NDUFAF2: variants seen among roughly 807,000 people sequenced by gnomAD.
NDUFAF2 encodes NADH dehydrogenase [ubiquinone] 1 alpha subcomplex assembly factor 2.
In NDUFAF2, 13 loss-of-function variants were observed where a neutral mutation model predicts 22.8. The observed-to-expected ratio is 0.57, with a 90% CI of 0.37 to 0.91. The LOEUF is 0.91. Ranked by LOEUF, NDUFAF2 falls within the 40% of genes least tolerant of loss-of-function variation. The probability of loss-of-function intolerance (pLI) is 0.01; values close to 1 mark genes in which losing one functional copy is unlikely to be tolerated. For missense variants in NDUFAF2, 162 were observed against 195.2 expected, an observed-to-expected ratio of 0.83 and a Z score of 1.01; for synonymous variants, 53 against 64.2, an observed-to-expected ratio of 0.83 and a Z score of 0.84.
At chr5:61,031,119 G>A (rs1331150133) in intron 1 of NDUFAF2, among the ~76,000 whole-genome samples, 5 of 151,880 alleles carry the variant, frequency 3.3e-5, no homozygotes, top group African/African-American at 7.3e-5. Flanking sequence ...TGATATGGGC[G>A]GTAGGCTCTT....
intron 1 of NDUFAF2, among the ~76,000 whole-genome samples, chr5:61,017,529 G>C (rs1580096658): frequency 1.8e-5 from 1 of 54,780 alleles, no homozygotes; most frequent in Admixed American, 2.7e-4. Context: ...TCAGTGGTGT[G>C]GTGGAGCCAG....
At chr5:61,042,876 T>C (rs1446366600) in intron 1 of NDUFAF2, among the ~76,000 whole-genome samples, 1 of 152,190 alleles carries the variant, frequency 6.6e-6, no homozygotes, top group Non-Finnish European at 1.5e-5. Flanking sequence ...AGGCTATGAT[T>C]CCACCTACAT....
intron 3 of NDUFAF2, among the ~76,000 whole-genome samples, chr5:61,131,004 T>C (rs1194660460): frequency 1.3e-5 from 2 of 152,082 alleles, no homozygotes; most frequent in Non-Finnish European, 2.9e-5. Context: ...GATGAAAAGA[T>C]TGACAAATTT....
At chr5:61,058,564 T>C (rs1205808531) in intron 1 of NDUFAF2, among the ~76,000 whole-genome samples, 1 of 152,058 alleles carries the variant, frequency 6.6e-6, no homozygotes, top group Non-Finnish European at 1.5e-5. Context: ...TCTTAAAGCC[T>C]ATTTAATTTA....
At chr5:60,962,661 T>TA (rs1750704613) in intron 1 of NDUFAF2, among the ~76,000 whole-genome samples, 1 of 151,690 alleles carries the variant, frequency 6.6e-6, no homozygotes, top group Non-Finnish European at 1.5e-5. Flanking sequence ...TGAAACCCCA[T>TA]CTCTACTAAA....
At position 61,021,768 on chromosome 5, in the gene NDUFAF2, T is replaced by G. The variant is rs1751586697; in HGVS notation, c.128-51357T>G. Among the ~76,000 whole-genome samples the G allele has an allele frequency of 2.0e-5, 3 of 152,204 alleles. No individual in the cohort carries two copies. In the South Asian group the frequency reaches 6.2e-4, roughly 31 times the overall value. On this transcript the variant is annotated intron_variant, in intron 1 of 3. Coordinates refer to ENST00000296597, the MANE Select transcript of NDUFAF2 (RefSeq NM_174889.5). The stretch of plus-strand genomic sequence containing the variant: ...CTCATTTGTACTTTCCTTGCTTGTG[T>G]TGTTTAGCATTTTAGTTTCCCTTTG...
chr5:61,095,026 T>C (rs1017469004), intron 2 of NDUFAF2, among the ~76,000 whole-genome samples: 3 of 152,188 alleles, frequency 2.0e-5, no homozygotes, highest in African/African-American at 4.8e-5. Flanking sequence ...CTTCCACCCC[T>C]GGTCAACTTG....
chr5:60,957,555 A>C (rs1221752339), intron 1 of NDUFAF2, among the ~76,000 whole-genome samples: 1 of 151,698 alleles, frequency 6.6e-6, no homozygotes, highest in African/African-American at 2.4e-5. Context: ...TCTTTTTAAA[A>C]GCTGTTCTTC....
intron 2 of NDUFAF2, among the ~76,000 whole-genome samples, chr5:61,084,358 A>G (rs1328666459): frequency 6.8e-6 from 1 of 146,880 alleles, no homozygotes; most frequent in Non-Finnish European, 1.6e-5. Context: ...TTAAGTATAC[A>G]GTTCAGTGGC....
chr5:61,081,167 C>A (rs1752437384), intron 2 of NDUFAF2, among the ~76,000 whole-genome samples: 1 of 152,072 alleles, frequency 6.6e-6, no homozygotes, highest in South Asian at 2.1e-4. Flanking sequence ...ATTTTCTATT[C>A]CATCCATGGA....
chr5:60,999,396 A>C (rs542588175), intron 1 of NDUFAF2, among the ~76,000 whole-genome samples: 1 of 152,242 alleles, frequency 6.6e-6, no homozygotes, highest in South Asian at 2.1e-4. Context: ...AAAAAGGATG[A>C]AGTACTAATT....
At chr5:60,957,711 C>T (rs1044814108) in intron 1 of NDUFAF2, among the ~76,000 whole-genome samples, 15 of 152,120 alleles carry the variant, frequency 9.9e-5, no homozygotes, top group African/African-American at 3.6e-4. Context: ...TTTGGTAGAA[C>T]TGTATTCAAT....
intron 1 of NDUFAF2, among the ~76,000 whole-genome samples, chr5:60,946,005 T>C (rs1317527197): frequency 6.6e-6 from 1 of 152,122 alleles, no homozygotes. Flanking sequence ...TCTCGGGAGT[T>C]GACATTCCAA....
intron 3 of NDUFAF2, among the ~76,000 whole-genome samples, chr5:61,134,571 A>G (rs901541546): frequency 2.6e-5 from 4 of 152,154 alleles, no homozygotes; most frequent in African/African-American, 7.2e-5. Flanking sequence ...CTGTAGTCCC[A>G]GCTACTTGGG....
rs961297852 is a variant in NDUFAF2, at chr5:61,084,567, A to G, written c.217+11353A>G. Among the ~76,000 whole-genome samples the G allele has an allele frequency of 3.3e-5, 5 of 152,178 alleles. No homozygotes were observed. The East Asian group carries it at 5.8e-4, about 18-fold the overall frequency. On this transcript the variant is annotated intron_variant, in intron 2 of 3. Transcript: ENST00000296597. ...GTACGTCATAGAAATTGAATCATAC[A>G]GTATTTGACCTTTTTATGTCTGGCT... is the stretch of plus-strand genomic sequence containing the variant.
chr5:61,131,707 T>G (rs1489605745), intron 3 of NDUFAF2, among the ~76,000 whole-genome samples: 6 of 152,052 alleles, frequency 3.9e-5, no homozygotes, highest in Admixed American at 3.9e-4. Flanking sequence ...AAATATTGAG[T>G]GAAAAGCAGT....
At position 61,098,999 on chromosome 5, in the gene NDUFAF2, TAGA is replaced by T; in HGVS notation, c.230_232del (p.Arg77del). 1 of 1,600,024 alleles carries T rather than the reference TAGA, an allele frequency of 6.2e-7. No homozygotes were observed. Among genetic ancestry groups the T allele is most frequent in the African/African-American group, 1.3e-5 (1 of 74,692 alleles). The stretch of plus-strand genomic sequence containing the variant: ...TATTATTTTTCTTTCTAGCTTGGAT[TAGA>T]AGAACAAGAAAGACTCCACCTACTA... On this transcript the variant is annotated inframe_deletion, in exon 3 of 4. Coordinates refer to ENST00000296597, the MANE Select transcript of NDUFAF2 (RefSeq NM_174889.5).
At chr5:60,981,157 T>G (rs2112578587) in intron 1 of NDUFAF2, among the ~76,000 whole-genome samples, 1 of 151,944 alleles carries the variant, frequency 6.6e-6, no homozygotes, top group African/African-American at 2.4e-5. Context: ...CTCCCAAAGG[T>G]CAAGGATAAA....
intron 1 of NDUFAF2, among the ~76,000 whole-genome samples, chr5:61,010,788 T>C (rs749070814): frequency 3.9e-5 from 6 of 152,184 alleles, no homozygotes; most frequent in Non-Finnish European, 8.8e-5. Context: ...CGCTCTTTTC[T>C]GTTACAGCTA....
Sources: gnomAD v4.1 joint callset for allele counts (sites outside exome capture counted in the v4.1 genomes callset) on GRCh38, gnomAD v4.1.1 for gene constraint, MANE v1.5 for transcripts, NCBI Gene and HGNC (gene_info 2026-07-23, HGNC 2026-07-21) for gene names.